The following FAM3B variants were observed in gnomAD, a reference collection of about 807,000 sequenced individuals.
The protein encoded by FAM3B is protein FAM3B.
A neutral mutation model predicts 28.4 loss-of-function variants in FAM3B; 29 were observed. The ratio of observed to expected loss-of-function variants is 1.02; its 90% confidence interval spans 0.76 to 1.39. FAM3B has a LOEUF of 1.39. FAM3B is among the 40% of genes most tolerant of loss of function. The probability of loss-of-function intolerance (pLI) is 0.00; values close to 1 mark genes in which losing one functional copy is unlikely to be tolerated. For missense variants in FAM3B, 266 were observed against 293.9 expected (o/e 0.91, Z 0.69); for synonymous variants, 91 against 103.0 (o/e 0.88, Z 0.71).
intron 7 of FAM3B, among the ~76,000 whole-genome samples, chr21:41,350,423 G>A (rs1238876352): frequency 3.3e-5 from 5 of 152,186 alleles, no homozygotes; most frequent in African/African-American, 9.7e-5. Flanking sequence ...GGTGAATAAA[G>A]ATAGTTCCTG....
At chr21:41,339,660 C>T (rs1164518055) in intron 3 of FAM3B, among the ~76,000 whole-genome samples, 1 of 152,200 alleles carries the variant, frequency 6.6e-6, no homozygotes, top group Admixed American at 6.5e-5. Context: ...CTTCAAATTA[C>T]AATACCAAGA....
Position 41,347,127 on chromosome 21 carries a change from G to A in FAM3B, c.485+27G>A, listed in dbSNP as rs182292891. 5.1e-3 allele frequency: 8,144 copies of A among 1,608,374 alleles called. 34 individuals carry two copies. Among genetic ancestry groups the A allele is most frequent in the Non-Finnish European group, 6.0e-3 (7,102 of 1,174,774 alleles). The stretch of plus-strand genomic sequence containing the variant: ...TGAGTGGGTGTAGGTCTGTCACAGC[G>A]GTGGGCAAGAGAAGCCAGCTGGGGC... On this transcript the variant is annotated intron_variant, in intron 6 of 7. Coordinates refer to ENST00000357985, the MANE Select transcript of FAM3B (RefSeq NM_058186.4).
Position 41,353,282 on chromosome 21 carries a change from A to G in FAM3B, c.619-3826A>G, listed in dbSNP as rs562170415. On this transcript the variant is annotated intron_variant, in intron 7 of 7. Transcript: ENST00000357985. ...AATTCCTACTAGAATCCAAGTTGAT[A>G]TATTTTGTAGAAATTGACAAGTTCA... Among the ~76,000 whole-genome samples the G allele has an allele frequency of 2.6e-5, 4 of 152,364 alleles. 1 individual carries two copies. In the South Asian group the frequency reaches 8.3e-4, roughly 32 times the overall value.
In FAM3B at chr21:41,316,817, C is replaced by A; in HGVS notation, c.-63C>A. On this transcript the variant is annotated 5_prime_UTR_variant, in exon 1 of 8. Transcript: ENST00000357985. Reference sequence around the variant, plus strand: ...GCCCCTTGCCTTCCTGACCCAGGGGCTCCGCTGGCTGCGGTCGCCTGGGAG... The same window carrying A: ...GCCCCTTGCCTTCCTGACCCAGGGGATCCGCTGGCTGCGGTCGCCTGGGAG... 4 of 1,416,400 alleles carry A rather than the reference C, an allele frequency of 2.8e-6. No individual in the cohort carries two copies. Among genetic ancestry groups the A allele is most frequent in the Non-Finnish European group, 2.8e-6 (3 of 1,087,058 alleles). 87.7% of individuals were successfully genotyped at this position (1,416,400 alleles called of 1,614,324 possible).
At chr21:41,304,502 T>C (rs2088671469) in intron 1 of FAM3B, among the ~76,000 whole-genome samples, 1 of 152,120 alleles carries the variant, frequency 6.6e-6, no homozygotes, top group South Asian at 2.1e-4. Flanking sequence ...AGCCCCCAAC[T>C]CCCGTCTAAT....
chr21:41,304,856 G>A (rs1292859454), intron 1 of FAM3B, among the ~76,000 whole-genome samples: 8 of 152,298 alleles, frequency 5.3e-5, no homozygotes, highest in East Asian at 1.9e-4. Context: ...AGAAGTGACC[G>A]TGGGTAGGGA....
At chr21:41,328,902 G>C (rs1351106080) in intron 2 of FAM3B, among the ~76,000 whole-genome samples, 1 of 152,220 alleles carries the variant, frequency 6.6e-6, no homozygotes, top group Non-Finnish European at 1.5e-5. Context: ...ACCACGTCCA[G>C]CTCGGCCCTG....
At chr21:41,338,832 G>A (rs529077271) in intron 3 of FAM3B, among the ~76,000 whole-genome samples, 1 of 152,332 alleles carries the variant, frequency 6.6e-6, no homozygotes, top group East Asian at 1.9e-4. Flanking sequence ...ATCTGAGTAG[G>A]GATCAGTATT....
At chr21:41,341,386 A>G (rs948286445) in intron 3 of FAM3B, among the ~76,000 whole-genome samples, 4 of 152,240 alleles carry the variant, frequency 2.6e-5, no homozygotes, top group African/African-American at 9.6e-5. Context: ...TGGCTAAGAA[A>G]TAGACTATCA....
chr21:41,314,300 C>T (rs2088732143), upstream of FAM3B, among the ~76,000 whole-genome samples: 1 of 152,228 alleles, frequency 6.6e-6, no homozygotes, highest in Admixed American at 6.5e-5. Context: ...TTTCCAGACT[C>T]CAGAACTGTG....
At chr21:41,352,370 G>A (rs1341576359) in intron 7 of FAM3B, among the ~76,000 whole-genome samples, 1 of 152,024 alleles carries the variant, frequency 6.6e-6, no homozygotes, top group Non-Finnish European at 1.5e-5. Flanking sequence ...CTCTGGCCCT[G>A]CCACTGCTGC....
intron 1 of FAM3B, chr21:41,304,439 G>A (rs2088670784): frequency 2.7e-6 from 1 of 364,558 alleles, no homozygotes; most frequent in Admixed American, 3.6e-5. Flanking sequence ...TGCACCGGCG[G>A]TTTCCCACGT....
At chr21:41,324,996 G>T (rs575438994) in intron 2 of FAM3B, among the ~76,000 whole-genome samples, 1 of 152,266 alleles carries the variant, frequency 6.6e-6, no homozygotes, top group African/African-American at 2.4e-5. Context: ...CAGCTACTCG[G>T]GAGGCTGAGG....
At chr21:41,311,992 T>C (rs2088716923), upstream of FAM3B, among the ~76,000 whole-genome samples, 1 of 152,210 alleles carries the variant, frequency 6.6e-6, no homozygotes, top group Non-Finnish European at 1.5e-5. Flanking sequence ...GAGAAACTCC[T>C]ATTTTTAAAC....
chr21:41,321,222 A>G (rs1282884433), intron 1 of FAM3B, among the ~76,000 whole-genome samples: 2 of 152,178 alleles, frequency 1.3e-5, no homozygotes, highest in Non-Finnish European at 2.9e-5. Flanking sequence ...CTGTTCATCC[A>G]ACAGAATTTT....
chr21:41,318,581 C>T (rs2088771821), intron 1 of FAM3B, among the ~76,000 whole-genome samples: 1 of 152,196 alleles, frequency 6.6e-6, no homozygotes, highest in Non-Finnish European at 1.5e-5. Flanking sequence ...CCTGGGATCC[C>T]AAAGGCAGTG....
chr21:41,315,128 C>A (rs1364931601), upstream of FAM3B, among the ~76,000 whole-genome samples: 1 of 152,176 alleles, frequency 6.6e-6, no homozygotes, highest in African/African-American at 2.4e-5. Flanking sequence ...AATTTTGACA[C>A]ATGCTACAGC....
chr21:41,316,808 A>T lies in FAM3B; in HGVS notation c.-72A>T, dbSNP rs2088752965. The T allele has an allele frequency of 8.6e-6, 12 of 1,401,256 alleles. No homozygotes were observed. Among genetic ancestry groups the T allele is most frequent in the Non-Finnish European group, 1.1e-5 (12 of 1,076,662 alleles). 86.8% of individuals were successfully genotyped at this position (1,401,256 alleles called of 1,614,324 possible). A position where few individuals can be genotyped will look rare whatever the true frequency, so the allele number is the denominator to read the frequency against. ...CCGCTGCCCGCCCCTTGCCTTCCTG[A>T]CCCAGGGGCTCCGCTGGCTGCGGTC... On this transcript the variant is annotated 5_prime_UTR_variant, in exon 1 of 8. Transcript: ENST00000357985.
chr21:41,348,552 C>T (rs780776393), intron 6 of FAM3B, 40 bp from the exon 7 acceptor site: 5 of 1,612,894 alleles, frequency 3.1e-6, no homozygotes, highest in East Asian at 2.2e-5. Context: ...CTCTCCACGT[C>T]TCCCTGAGAT....
Sources: gnomAD v4.1 joint callset for allele counts (sites outside exome capture counted in the v4.1 genomes callset) on GRCh38, gnomAD v4.1.1 for gene constraint, MANE v1.5 for transcripts, NCBI Gene and HGNC (gene_info 2026-07-23, HGNC 2026-07-21) for gene names.